The following ZNF383 variants were observed in gnomAD, a reference collection of about 807,000 sequenced individuals.
ZNF383 encodes the protein zinc finger protein 383.
A neutral mutation model predicts 44.2 loss-of-function variants in ZNF383; 32 were observed. The ratio of observed to expected loss-of-function variants is 0.72; its 90% CI spans 0.55 to 0.97. ZNF383 has a LOEUF of 0.97. ZNF383 is among the 50% of genes least tolerant of loss of function. ZNF383 has a pLI of 0.00. For missense variants in ZNF383, 487 were observed against 562.5 expected, an observed-to-expected ratio of 0.87 and a Z score of 1.36; for synonymous variants, 155 against 186.2, an observed-to-expected ratio of 0.83 and a Z score of 1.36.
At position 37,243,831 on chromosome 19, in the gene ZNF383, C is replaced by G; in HGVS notation, c.*167C>G. 1.9e-6 allele frequency: 1 copy of G among 516,716 alleles called. No homozygotes were observed. Among genetic ancestry groups the G allele is most frequent in the Non-Finnish European group, 3.3e-6 (1 of 298,988 alleles). 32.0% of individuals were successfully genotyped at this position (516,716 alleles called of 1,614,324 possible). ...AGTCTAAAGTGACATTCCCTCTCTCCCCCAGTCATATACCGATGCCAGCTG... is the reference window on the plus strand; with the variant it reads ...AGTCTAAAGTGACATTCCCTCTCTCGCCCAGTCATATACCGATGCCAGCTG... On this transcript the variant is annotated 3_prime_UTR_variant, in exon 6 of 6. Transcript: ENST00000684119.
intron 5 of ZNF383, among the ~76,000 whole-genome samples, chr19:37,241,481 C>T (rs1255670779): frequency 6.6e-6 from 1 of 152,160 alleles, no homozygotes; most frequent in Admixed American, 6.5e-5. Flanking sequence ...TGTCACTCTC[C>T]TATCACATCA....
At chr19:37,240,320 GT>G (rs1568530954) in intron 5 of ZNF383, among the ~76,000 whole-genome samples, 1 of 152,204 alleles carries the variant, frequency 6.6e-6, no homozygotes, top group East Asian at 1.9e-4. Context: ...GTAAGAAATT[GT>G]TTCATAATAC....
At chr19:37,230,502 TA>T (rs56895666) in intron 3 of ZNF383, 40 bp downstream of exon 3, 199,888 of 1,359,740 alleles carry the variant, frequency 0.15, 1 homozygote, top group Admixed American at 0.18. Flanking sequence ...ACATTTAGTT[TA>T]AAAAAAAAAA....
chr19:37,240,793 C>T (rs1038848106), intron 5 of ZNF383, among the ~76,000 whole-genome samples: 1 of 152,090 alleles, frequency 6.6e-6, no homozygotes, highest in Middle Eastern at 3.4e-3. Context: ...GTGAATAACC[C>T]GCTGTTACCA....
chr19:37,242,865 G>C lies in ZNF383; in HGVS notation c.629G>C (p.Gly210Ala). ...CKECGKFFSC[G>A]SHVTRHLKIH... ...GAGTGTGGGAAATTCTTTAGTTGTG[G>C]TTCACATGTTACTCGGCATCTGAAA... Residue 210 changes from glycine to alanine, a missense_variant, in exon 6 of 6, where the codon GGT becomes GCT. Coordinates refer to ENST00000684119, the MANE Select transcript of ZNF383 (RefSeq NM_001387601.1). 2 of 1,613,962 alleles carry C rather than the reference G, an allele frequency of 1.2e-6. No individual in the cohort carries two copies. The highest frequency in any genetic ancestry group is 8.5e-7 in the Non-Finnish European group (1 of 1,179,910).
chr19:37,243,777 A>T lies in ZNF383; in HGVS notation c.*113A>T. The T allele has an allele frequency of 1.4e-6, 1 of 691,740 alleles. No individual in the cohort carries two copies. The highest frequency in any genetic ancestry group is 2.2e-6 in the Non-Finnish European group (1 of 448,438). 42.9% of individuals were successfully genotyped at this position (691,740 alleles called of 1,614,324 possible). A position where few individuals can be genotyped will look rare whatever the true frequency, so the allele number is the denominator to read the frequency against. On this transcript the variant is annotated 3_prime_UTR_variant, in exon 6 of 6. Coordinates refer to ENST00000684119, the MANE Select transcript of ZNF383 (RefSeq NM_001387601.1). ...CTTTGTATTTAAATTTTGTATCCAA[A>T]TGTATTTCATTCCAGGTTATAAATT...
intron 5 of ZNF383, among the ~76,000 whole-genome samples, chr19:37,240,295 A>G (rs1205566792): frequency 6.6e-6 from 1 of 152,212 alleles, no homozygotes; most frequent in Non-Finnish European, 1.5e-5. Flanking sequence ...AATTTGCCTA[A>G]TATCCCCATT....
rs191662333 is a variant in ZNF383 at position 37,248,439 on chromosome 19, T to G, written c.*4775T>G. 1 of 152,314 alleles carries G rather than the reference T, an allele frequency of 6.6e-6. No homozygotes were observed. The highest frequency in any genetic ancestry group is 1.9e-4 in the East Asian group (1 of 5,180). The allele number at this position is 152,314 out of a possible 1,614,324, so 9.4% of individuals were successfully genotyped here. A position where few individuals can be genotyped will look rare whatever the true frequency, so the allele number is the denominator to read the frequency against. On this transcript the variant is annotated 3_prime_UTR_variant, in exon 6 of 6. Coordinates refer to ENST00000684119, the MANE Select transcript of ZNF383 (RefSeq NM_001387601.1). ...AATAAATATTTGTCACATTCTGAAT[T>G]TAGGAAAAAACAATTCTGATAAATC...
At chr19:37,235,885 G>A (rs539299715) in intron 4 of ZNF383, 94 bp from the exon 5 acceptor site, 2 of 1,263,184 alleles carry the variant, frequency 1.6e-6, no homozygotes, top group Admixed American at 2.3e-5. Flanking sequence ...TTCTTTGGCT[G>A]TTCCTGTAGT....
Position 37,242,521 on chromosome 19 carries a change from T to G in ZNF383, c.285T>G (p.Tyr95Ter), listed in dbSNP as rs778978599. Residue 95 changes from tyrosine to a stop codon, truncating the protein, a stop_gained, in exon 6 of 6, where the codon TAT (tyrosine) becomes TAG (stop). Coordinates refer to ENST00000684119, the MANE Select transcript of ZNF383 (RefSeq NM_001387601.1). LOFTEE classifies it high-confidence loss of function. ...TATTATCTCTAAAGAAGGAAGTTTA[T>G]GAAATAGAATTATGCCAGAGGGAGA... ...TKLLSLKKEV[Y>*]EIELCQREIM... 6.2e-7 allele frequency: 1 copy of G among 1,612,350 alleles called. No homozygotes were observed. Among genetic ancestry groups the G allele is most frequent in the South Asian group, 1.1e-5 (1 of 90,652 alleles).
chr19:37,229,603 C>CAT (rs149087696), intron 2 of ZNF383, among the ~76,000 whole-genome samples: 24,327 of 138,512 alleles, frequency 0.18, 2,406 homozygotes, highest in African/African-American at 0.28. Flanking sequence ...GGATTACAAG[C>CAT]ATATATATAT....
intron 4 of ZNF383, 102 bp downstream of exon 4, chr19:37,235,777 A>G (rs1372181729): frequency 2.1e-6 from 3 of 1,422,736 alleles, no homozygotes; most frequent in South Asian, 2.8e-5. Context: ...CTGAATTTCT[A>G]TTCTTTATTA....
Position 37,243,825 on chromosome 19 carries a change from T to A in ZNF383, c.*161T>A, listed in dbSNP as rs1305986180. 5 of 524,376 alleles carry A rather than the reference T, an allele frequency of 9.5e-6. No individual in the cohort carries two copies. Among genetic ancestry groups the A allele is most frequent in the African/African-American group, 1.9e-5 (1 of 52,780 alleles). 32.5% of individuals were successfully genotyped at this position (524,376 alleles called of 1,614,324 possible). A position where few individuals can be genotyped will look rare whatever the true frequency, so the allele number is the denominator to read the frequency against. ...ATTCGGAGTCTAAAGTGACATTCCC[T>A]CTCTCCCCCAGTCATATACCGATGC... On this transcript the variant is annotated 3_prime_UTR_variant, in exon 6 of 6. Coordinates refer to ENST00000684119, the MANE Select transcript of ZNF383 (RefSeq NM_001387601.1).
chr19:37,238,576 A>G (rs1222386578), intron 5 of ZNF383, among the ~76,000 whole-genome samples: 1 of 152,128 alleles, frequency 6.6e-6, no homozygotes, highest in Non-Finnish European at 1.5e-5. Context: ...GGGAACAGGA[A>G]GAGCCAAGTA....
chr19:37,221,675 G>A lies in ZNF383; in HGVS notation c.-167-3143G>A, dbSNP rs566474231. 8.8e-5 allele frequency among the ~76,000 whole-genome samples: 13 copies of A among 147,854 alleles called. No homozygotes were observed. The East Asian group carries it at 1.2e-3, about 14-fold the overall frequency. On this transcript the variant is annotated intron_variant, in intron 1 of 5. Transcript: ENST00000684119. ...AAAGTGAGCATATTCCGGGCTGGGC[G>A]CGGTGGCTCGTGCCTGTAATCCCAG...
intron 1 of ZNF383, among the ~76,000 whole-genome samples, chr19:37,221,453 G>C (rs918951787): frequency 6.6e-5 from 10 of 152,032 alleles, no homozygotes; most frequent in Non-Finnish European, 8.8e-5. Flanking sequence ...ATGGTTACAT[G>C]CTGCTATTGT....
rs1974263514 is a variant in ZNF383, at chr19:37,243,948, T to C, written c.*284T>C. The C allele has an allele frequency of 3.6e-6, 1 of 278,640 alleles. No individual in the cohort carries two copies. Among genetic ancestry groups the C allele is most frequent in the Non-Finnish European group, 6.7e-6 (1 of 148,948 alleles). 17.3% of individuals were successfully genotyped at this position (278,640 alleles called of 1,614,324 possible). Reference sequence around the variant, plus strand: ...TTTGCTTGTGTTTTTAGAGCTATCTTTTCTGATCTGTGTATTTGTGTTTGC... The same window carrying C: ...TTTGCTTGTGTTTTTAGAGCTATCTCTTCTGATCTGTGTATTTGTGTTTGC... On this transcript the variant is annotated 3_prime_UTR_variant, in exon 6 of 6. Transcript: ENST00000684119.
Position 37,230,547 on chromosome 19 carries a change from A to T in ZNF383, c.9+85A>T. On this transcript the variant is annotated intron_variant, in intron 3 of 5. Coordinates refer to ENST00000684119, the MANE Select transcript of ZNF383 (RefSeq NM_001387601.1). Reference sequence around the variant, plus strand: ...GAGCATTTGCTTTCCTTATCCTGACATTTCTGGCTAACAGAGTTCCCCTTC... The same window carrying T: ...GAGCATTTGCTTTCCTTATCCTGACTTTTCTGGCTAACAGAGTTCCCCTTC... 1.3e-6 allele frequency: 2 copies of T among 1,487,980 alleles called. 1 individual carries two copies. Among genetic ancestry groups the T allele is most frequent in the South Asian group, 2.3e-5 (2 of 86,144 alleles). The allele number at this position is 1,487,980 out of a possible 1,614,324, so 92.2% of individuals were successfully genotyped here.
chr19:37,243,879 G>T lies in ZNF383; in HGVS notation c.*215G>T. On this transcript the variant is annotated 3_prime_UTR_variant, in exon 6 of 6. Coordinates refer to ENST00000684119, the MANE Select transcript of ZNF383 (RefSeq NM_001387601.1). ...CTGTTCTATAATTCTTTCATTCATTGTTTTGTTCTACTTTCTTGGTGACAC... is the reference window on the plus strand; with the variant it reads ...CTGTTCTATAATTCTTTCATTCATTTTTTTGTTCTACTTTCTTGGTGACAC... 2.4e-6 allele frequency: 1 copy of T among 422,248 alleles called. No individual in the cohort carries two copies. Among genetic ancestry groups the T allele is most frequent in the Non-Finnish European group, 4.2e-6 (1 of 240,678 alleles). The allele number at this position is 422,248 out of a possible 1,614,324, so 26.2% of individuals were successfully genotyped here. A position where few individuals can be genotyped will look rare whatever the true frequency, so the allele number is the denominator to read the frequency against.
Sources: allele counts gnomAD v4.1 joint callset (sites outside exome capture counted in the v4.1 genomes callset), GRCh38; gene constraint gnomAD v4.1.1; transcripts MANE v1.5; gene names NCBI Gene and HGNC (gene_info 2026-07-23, HGNC 2026-07-21).